ADGRB3: variants seen among roughly 807,000 people sequenced by gnomAD.
ADGRB3 encodes adhesion G protein-coupled receptor B3, also known as brain-specific angiogenesis inhibitor 3.
Under a neutral mutation model 193.4 loss-of-function variants are expected in ADGRB3, and 37 were observed. That is an observed-to-expected ratio of 0.19 (90% CI 0.15 to 0.25). ADGRB3 has a LOEUF of 0.25. ADGRB3 is among the 10% of genes least tolerant of loss of function. The probability of loss-of-function intolerance (pLI) is 1.00; values close to 1 mark genes in which losing one functional copy is unlikely to be tolerated. For missense variants in ADGRB3, 1,637 were observed against 1,852.9 expected (o/e 0.88, Z 2.14); for synonymous variants, 690 against 644.2 (o/e 1.07, Z -1.08).
At chr6:69,261,180 C>G (rs746733623) in intron 20 of ADGRB3, among the ~76,000 whole-genome samples, 1 of 152,114 alleles carries the variant, frequency 6.6e-6, no homozygotes, top group South Asian at 2.1e-4. Context: ...ATAGCTGCGG[C>G]CTTTCTTAAT....
chr6:68,655,036 G>A (rs1197688121), intron 3 of ADGRB3, among the ~76,000 whole-genome samples: 1 of 151,284 alleles, frequency 6.6e-6, no homozygotes, highest in African/African-American at 2.4e-5. Flanking sequence ...CATATATTAT[G>A]TATTAATAAA....
At chr6:68,855,782 G>A (rs1462098680) in intron 3 of ADGRB3, among the ~76,000 whole-genome samples, 1 of 152,086 alleles carries the variant, frequency 6.6e-6, no homozygotes, top group Non-Finnish European at 1.5e-5. Flanking sequence ...ATTTCAGAAG[G>A]CCACGGCAGG....
intron 8 of ADGRB3, among the ~76,000 whole-genome samples, chr6:68,962,631 A>AT (rs375023643): frequency 1.3e-5 from 2 of 152,028 alleles, no homozygotes; most frequent in African/African-American, 4.8e-5. Context: ...ACCTTTTACT[A>AT]TTTTTTTATT....
At chr6:68,755,993 T>C (rs938252099) in intron 3 of ADGRB3, among the ~76,000 whole-genome samples, 1 of 152,140 alleles carries the variant, frequency 6.6e-6, no homozygotes, top group Non-Finnish European at 1.5e-5. Context: ...GAGGAAAAAA[T>C]GCTTCTGCCT....
chr6:69,107,307 A>G (rs1773242619), intron 17 of ADGRB3, among the ~76,000 whole-genome samples: 2 of 152,256 alleles, frequency 1.3e-5, no homozygotes, highest in African/African-American at 2.4e-5. Context: ...TTTGTTTAGT[A>G]CAATGAATGT....
intron 17 of ADGRB3, among the ~76,000 whole-genome samples, chr6:69,119,785 G>C (rs1773633881): frequency 6.6e-6 from 1 of 152,152 alleles, no homozygotes; most frequent in Non-Finnish European, 1.5e-5. Context: ...GGGCTTTTAG[G>C]CTATTACAAA....
chr6:68,860,992 C>T (rs1765137094), intron 3 of ADGRB3, among the ~76,000 whole-genome samples: 1 of 152,124 alleles, frequency 6.6e-6, no homozygotes, highest in Non-Finnish European at 1.5e-5. Flanking sequence ...ACATTTCAGA[C>T]TCATTGCATT....
At chr6:69,233,237 T>C in intron 17 of ADGRB3, 53 bp from the exon 18 acceptor site, 3 of 1,596,514 alleles carry the variant, frequency 1.9e-6, no homozygotes, top group Non-Finnish European at 2.6e-6. Flanking sequence ...TTTACGGATT[T>C]GGCTATCAGG....
At chr6:69,100,934 G>A (rs184054597) in intron 17 of ADGRB3, among the ~76,000 whole-genome samples, 1 of 10,530 alleles carries the variant, frequency 9.5e-5, no homozygotes, top group African/African-American at 5.1e-4. Flanking sequence ...AGGAGGGAGG[G>A]AGGGAAGGAA....
At chr6:69,093,962 A>G (rs1772792341) in intron 17 of ADGRB3, among the ~76,000 whole-genome samples, 4 of 152,188 alleles carry the variant, frequency 2.6e-5, no homozygotes, top group Admixed American at 2.6e-4. Flanking sequence ...TATTGTTTTT[A>G]AAAATATAAC....
In ADGRB3 at chr6:68,747,926, G is replaced by A. The variant is rs146191810; in HGVS notation, c.757+108494G>A. Among the ~76,000 whole-genome samples the A allele has an allele frequency of 6.8e-3, 1,036 of 152,196 alleles. 18 individuals carry two copies. The highest frequency in any genetic ancestry group is 0.024 in the African/African-American group (990 of 41,526). On this transcript the variant is annotated intron_variant, in intron 3 of 31. Coordinates refer to ENST00000370598, the MANE Select transcript of ADGRB3 (RefSeq NM_001704.3). ...CTTGGGGGGGCCTCAGAATCATGGC[G>A]GGAGGTGAAAGGCACTTCTTACATG... is the stretch of plus-strand genomic sequence containing the variant.
chr6:69,386,387 T>A (rs1562006151), intron 31 of ADGRB3, among the ~76,000 whole-genome samples: 1 of 152,082 alleles, frequency 6.6e-6, no homozygotes, highest in African/African-American at 2.4e-5. Flanking sequence ...AAACTAAGGA[T>A]TCCCAGAAAT....
intron 20 of ADGRB3, among the ~76,000 whole-genome samples, chr6:69,241,368 T>C (rs887208798): frequency 6.6e-6 from 1 of 151,950 alleles, no homozygotes; most frequent in Non-Finnish European, 1.5e-5. Context: ...ATTAATACAA[T>C]ATTTTACAAT....
chr6:68,858,169 A>G (rs755408706), intron 3 of ADGRB3, among the ~76,000 whole-genome samples: 6 of 152,092 alleles, frequency 3.9e-5, no homozygotes, highest in Admixed American at 6.6e-5. Flanking sequence ...ATGATGTTTC[A>G]TACCTGCAGT....
intron 20 of ADGRB3, among the ~76,000 whole-genome samples, chr6:69,243,821 TCC>T (rs1434849443): frequency 6.6e-6 from 1 of 152,004 alleles, no homozygotes; most frequent in African/African-American, 2.4e-5. Flanking sequence ...ATTCTTGGAC[TCC>T]TCCTAGAATT....
rs778259924 is a variant in ADGRB3 at position 69,338,992 on chromosome 6, G to A, written c.3265G>A (p.Ala1089Thr). 1 of 1,613,624 alleles carries A rather than the reference G, an allele frequency of 6.2e-7. No homozygotes were observed. Among genetic ancestry groups the A allele is most frequent in the South Asian group, 1.1e-5 (1 of 91,072 alleles). Residue 1089 changes from alanine (A) to threonine (T), a missense_variant, in exon 25 of 32, where the codon GCC becomes ACC. Transcript: ENST00000370598. Reference protein sequence around the residue: ...CGVVSTTALSATTASNAMASL... With the variant: ...CGVVSTTALSTTTASNAMASL... The stretch of plus-strand genomic sequence containing the variant: ...AGTAGTTTCAACAACAGCTTTGTCA[G>A]CCACCACCGCCAGTAACGCCATGTT...
At chr6:68,646,828 G>T (rs1478104348) in intron 3 of ADGRB3, among the ~76,000 whole-genome samples, 1 of 151,996 alleles carries the variant, frequency 6.6e-6, no homozygotes, top group Non-Finnish European at 1.5e-5. Flanking sequence ...GGAGAGGAAG[G>T]GTTGGTAACA....
chr6:68,648,486 AAG>A (rs1341766561), intron 3 of ADGRB3, among the ~76,000 whole-genome samples: 1 of 149,204 alleles, frequency 6.7e-6, no homozygotes, highest in African/African-American at 2.5e-5. Flanking sequence ...TTTTTTTCGA[AAG>A]AGAGCAAATA....
At chr6:68,848,963 A>G (rs1400987170) in intron 3 of ADGRB3, among the ~76,000 whole-genome samples, 1 of 152,078 alleles carries the variant, frequency 6.6e-6, no homozygotes, top group Non-Finnish European at 1.5e-5. Flanking sequence ...GTTAATAAAA[A>G]CACCATTCCT....
Sources: gnomAD v4.1 joint callset for allele counts (sites outside exome capture counted in the v4.1 genomes callset) on GRCh38, gnomAD v4.1.1 for gene constraint, MANE v1.5 for transcripts, NCBI Gene and HGNC (gene_info 2026-07-23, HGNC 2026-07-21) for gene names.